The following ARMC2 variants were observed in gnomAD, a reference collection of about 807,000 sequenced individuals.
The protein encoded by ARMC2 is armadillo repeat-containing protein 2.
A neutral mutation model predicts 90.3 loss-of-function variants in ARMC2; 67 were observed. That is an observed-to-expected ratio of 0.74 (90% CI 0.61 to 0.91). ARMC2 has a LOEUF of 0.91. Among genes scored for constraint, ARMC2 ranks in the 40% least tolerant of loss-of-function variants. ARMC2 has a pLI of 0.00. For synonymous variants in ARMC2, 393 were observed against 393.0 expected (o/e 1.00, Z 0.00); for missense variants, 920 against 1,030.9 (o/e 0.89, Z 1.47).
At chr6:108,904,953 A>G (rs980816826) in intron 8 of ARMC2, among the ~76,000 whole-genome samples, 1 of 152,240 alleles carries the variant, frequency 6.6e-6, no homozygotes, top group Non-Finnish European at 1.5e-5. Context: ...AAGGTGTGAG[A>G]AGAAAAGGCC....
chr6:108,985,882 T>C, the ARMC2 span, among the ~76,000 whole-genome samples: 1 of 152,214 alleles, frequency 6.6e-6, no homozygotes, highest in East Asian at 1.9e-4. Context: ...ATATAAAACA[T>C]ATTGAAGATA....
intron 17 of ARMC2, among the ~76,000 whole-genome samples, chr6:108,971,919 T>G (rs916054103): frequency 8.2e-6 from 1 of 121,826 alleles, no homozygotes; most frequent in African/African-American, 3.1e-5. Context: ...AGAGTCCATC[T>G]CAAAAAAAAA....
intron 5 of ARMC2, among the ~76,000 whole-genome samples, chr6:108,890,014 C>T (rs1770800951): frequency 6.7e-6 from 1 of 148,576 alleles, no homozygotes; most frequent in Non-Finnish European, 1.5e-5. Flanking sequence ...CGGTGAAACC[C>T]CGTCTCTACT....
At chr6:108,893,015 A>G (rs1771245083) in intron 5 of ARMC2, among the ~76,000 whole-genome samples, 1 of 152,204 alleles carries the variant, frequency 6.6e-6, no homozygotes, top group South Asian at 2.1e-4. Flanking sequence ...AAATTTTGAT[A>G]TAAAACTTGC....
chr6:108,917,603 TG>T (rs1045124191), intron 10 of ARMC2, among the ~76,000 whole-genome samples: 11 of 152,106 alleles, frequency 7.2e-5, no homozygotes, highest in Non-Finnish European at 1.5e-4. Context: ...AAGAAAATTG[TG>T]GGAAGAAAAT....
Position 108,973,355 on chromosome 6 carries a change from A to G in ARMC2, c.2447-2A>G. On this transcript the variant is annotated splice_acceptor_variant, in intron 17 of 17. Transcript: ENST00000392644. LOFTEE classifies it high-confidence loss of function. ...GCTGTAATTTAAATTTTTCTAATAC[A>G]GATGAAGAACTAGCACTGGATGGCA... 1 of 1,604,506 alleles carries G rather than the reference A, an allele frequency of 6.2e-7. No homozygotes were observed. The highest frequency in any genetic ancestry group is 8.5e-7 in the Non-Finnish European group (1 of 1,175,508).
rs150863549 is a variant in ARMC2, at chr6:108,958,911, C to T, written c.1916-2661C>T. Among the ~76,000 whole-genome samples the T allele has an allele frequency of 8.3e-3, 1,265 of 152,304 alleles. 9 individuals carry two copies. The highest frequency in any genetic ancestry group is 0.024 in the African/African-American group (994 of 41,566). ...AATAATTTGAGTAAGGTCACACGGC[C>T]AGTGAGTGGAAGCACAGGGTTCTGG... is the stretch of plus-strand genomic sequence containing the variant. On this transcript the variant is annotated intron_variant, in intron 13 of 17. Coordinates refer to ENST00000392644, the MANE Select transcript of ARMC2 (RefSeq NM_032131.6).
At chr6:109,034,238 A>C in the ARMC2 span, among the ~76,000 whole-genome samples, 5 of 152,198 alleles carry the variant, frequency 3.3e-5, no homozygotes, top group Non-Finnish European at 7.3e-5. Flanking sequence ...TTTGGACTTG[A>C]ATAATATGTA....
chr6:108,853,736 A>T (rs1017467302), intron 1 of ARMC2, among the ~76,000 whole-genome samples: 27 of 152,222 alleles, frequency 1.8e-4, no homozygotes, highest in Non-Finnish European at 3.1e-4. Flanking sequence ...CAATTCATTC[A>T]GTTATATCAT....
intron 11 of ARMC2, among the ~76,000 whole-genome samples, chr6:108,928,529 T>TA (rs776058502): frequency 2.6e-5 from 4 of 152,168 alleles, no homozygotes; most frequent in South Asian, 2.1e-4. Context: ...TTATTTGAGA[T>TA]AAAAAACTGT....
intron 13 of ARMC2, 25 bp from the exon 14 acceptor site, chr6:108,961,547 C>T (rs770699329): frequency 6.4e-7 from 1 of 1,567,840 alleles, no homozygotes; most frequent in Non-Finnish European, 8.6e-7. Flanking sequence ...GGGTCTTTGA[C>T]TCCCTTATCC....
At chr6:108,851,068 C>T (rs180683884) in intron 1 of ARMC2, among the ~76,000 whole-genome samples, 114 of 152,302 alleles carry the variant, frequency 7.5e-4, no homozygotes, top group Non-Finnish European at 1.2e-3. Context: ...CATCATCCCT[C>T]AAAATGTTGT....
chr6:108,963,185 C>T (rs776716506), intron 15 of ARMC2, among the ~76,000 whole-genome samples: 2 of 151,926 alleles, frequency 1.3e-5, no homozygotes, highest in Non-Finnish European at 2.9e-5. Context: ...TGGCAAGTAC[C>T]CACATGTTTA....
chr6:108,959,520 G>A (rs1182556919), intron 13 of ARMC2: 1 of 152,590 alleles, frequency 6.6e-6, no homozygotes, highest in Admixed American at 6.5e-5. Context: ...TCTGGAGCAG[G>A]TGAGACCAGG....
the ARMC2 span, among the ~76,000 whole-genome samples, chr6:109,046,398 AG>A: frequency 6.6e-6 from 1 of 151,470 alleles, no homozygotes; most frequent in Non-Finnish European, 1.5e-5. Flanking sequence ...AATGGTGCCC[AG>A]GCTGGAGTGC....
chr6:108,974,546 G>A (rs190749450), downstream of ARMC2: 210 of 152,270 alleles, frequency 1.4e-3, no homozygotes, highest in African/African-American at 4.8e-3. Flanking sequence ...TAAATTTGCT[G>A]GCTCACACCT....
In ARMC2 at chr6:108,912,315, A is replaced by T. The variant is rs9400252; in HGVS notation, c.1127-20A>T. 6.5e-7 allele frequency: 1 copy of T among 1,535,078 alleles called. No individual in the cohort carries two copies. Among genetic ancestry groups the T allele is most frequent in the Non-Finnish European group, 8.9e-7 (1 of 1,124,644 alleles). On this transcript the variant is annotated intron_variant, in intron 9 of 17. Transcript: ENST00000392644. ...CAGCTGTTATACTCAGACATTTATA[A>T]TAATTAATCTTTTTGACAGAATCAT...
At chr6:108,980,307 G>A in the ARMC2 span, among the ~76,000 whole-genome samples, 1 of 152,160 alleles carries the variant, frequency 6.6e-6, no homozygotes, top group East Asian at 1.9e-4. Flanking sequence ...TTGCCTGGGT[G>A]TCATCAGCGG....
the ARMC2 span, among the ~76,000 whole-genome samples, chr6:108,984,570 C>A: frequency 6.6e-6 from 1 of 152,170 alleles, no homozygotes; most frequent in Non-Finnish European, 1.5e-5. Context: ...TTTCAGCATA[C>A]AACATACATC....
Sources: gnomAD v4.1 joint callset for allele counts (sites outside exome capture counted in the v4.1 genomes callset) on GRCh38, gnomAD v4.1.1 for gene constraint, MANE v1.5 for transcripts, NCBI Gene and HGNC (gene_info 2026-07-23, HGNC 2026-07-21) for gene names.